The following TATDN3 variants were observed in gnomAD, a reference collection of about 807,000 sequenced individuals.
TATDN3 encodes TatD DNase domain containing 3.
In TATDN3, 29 loss-of-function variants were observed where a neutral mutation model predicts 40.1. The ratio of observed to expected loss-of-function variants is 0.72; its 90% CI spans 0.54 to 0.99. The LOEUF (loss-of-function observed/expected upper bound fraction) is 0.99. TATDN3 is among the 50% of genes least tolerant of loss of function. The pLI is 0.00. For synonymous variants in TATDN3, 105 were observed against 117.0 expected (o/e 0.90, Z 0.66); for missense variants, 309 against 321.9 (o/e 0.96, Z 0.31).
chr1:212,794,926 A>G (rs556325781), intron 1 of TATDN3, 169 bp from the exon 2 acceptor site: 2 of 652,108 alleles, frequency 3.1e-6, no homozygotes, highest in African/African-American at 3.6e-5. Flanking sequence ...GACTTTACTG[A>G]TAGTAAGAGT....
intron 4 of TATDN3, among the ~76,000 whole-genome samples, chr1:212,801,462 GA>G (rs1183004007): frequency 2.0e-5 from 3 of 152,034 alleles, no homozygotes; most frequent in Non-Finnish European, 4.4e-5. Context: ...ATTTTATTAG[GA>G]GTTTGAATAG....
intron 1 of TATDN3, among the ~76,000 whole-genome samples, chr1:212,793,268 A>AAT (rs1184984593): frequency 9.2e-5 from 14 of 152,278 alleles, no homozygotes; most frequent in Non-Finnish European, 2.1e-4. Context: ...GCTGAAATGC[A>AAT]ATAGCATGAT....
At chr1:212,797,911 G>A (rs914865409) in intron 4 of TATDN3, among the ~76,000 whole-genome samples, 3 of 152,160 alleles carry the variant, frequency 2.0e-5, no homozygotes, top group African/African-American at 7.2e-5. Flanking sequence ...TCCTGACTCA[G>A]CATCAGGAAG....
intron 1 of TATDN3, among the ~76,000 whole-genome samples, chr1:212,793,299 A>G (rs1415263423): frequency 6.6e-6 from 1 of 151,764 alleles, no homozygotes; most frequent in Non-Finnish European, 1.5e-5. Context: ...TGCAACCTCC[A>G]CCTCCTGGGC....
At chr1:212,814,435 C>G (rs1663077482) in intron 9 of TATDN3, among the ~76,000 whole-genome samples, 1 of 151,936 alleles carries the variant, frequency 6.6e-6, no homozygotes, top group Admixed American at 6.6e-5. Flanking sequence ...CCATTGTTTA[C>G]CATTGTTTTA....
chr1:212,814,380 A>T (rs1336158317), intron 9 of TATDN3, among the ~76,000 whole-genome samples: 2 of 152,218 alleles, frequency 1.3e-5, no homozygotes, highest in Non-Finnish European at 2.9e-5. Context: ...TAGTAACAAT[A>T]ATAATTTATT....
chr1:212,798,653 A>G (rs942539954), intron 4 of TATDN3, among the ~76,000 whole-genome samples: 3 of 152,170 alleles, frequency 2.0e-5, no homozygotes, highest in Non-Finnish European at 4.4e-5. Flanking sequence ...GCCAATCACA[A>G]TTCTACAAAT....
In TATDN3 at chr1:212,802,755, A is replaced by G. The variant is rs1159003229; in HGVS notation, c.313A>G (p.Ile105Val). 1.3e-5 allele frequency: 21 copies of G among 1,609,204 alleles called. No homozygotes were observed. The highest frequency in any genetic ancestry group is 4.0e-5 in the African/African-American group (3 of 74,816). ...GAATTATAAGGATCGGTTGTTGGCA[A>G]TTGGAGAGGTAAACACCCACTAACT... The part of the protein sequence containing the change: ...IENYKDRLLA[I>V]GEVGLDFSPR... The change falls in exon 5 of 10, where the codon ATT (isoleucine) becomes GTT (valine). Residue 105 changes from isoleucine to valine, a missense_variant. By Grantham distance (29) the Ile-to-Val change is conservative. Transcript: ENST00000366974.
At chr1:212,796,120 G>T (rs1016955358) in intron 2 of TATDN3, among the ~76,000 whole-genome samples, 5 of 152,148 alleles carry the variant, frequency 3.3e-5, no homozygotes, top group African/African-American at 1.2e-4. Context: ...CTAGCATTTT[G>T]TGGCCATCTC....
intron 8 of TATDN3, among the ~76,000 whole-genome samples, chr1:212,809,890 G>A (rs1322464038): frequency 6.6e-6 from 1 of 151,818 alleles, no homozygotes; most frequent in African/African-American, 2.4e-5. Flanking sequence ...TGGGTGTGGT[G>A]GCGCATGCCT....
At chr1:212,792,120 C>T (rs1278458295) in intron 1 of TATDN3, 133 bp downstream of exon 1, 1 of 865,084 alleles carries the variant, frequency 1.2e-6, no homozygotes, top group Non-Finnish European at 1.8e-6. Context: ...GCCATATGAC[C>T]TTGCCCCTCA....
In TATDN3 at chr1:212,816,052, C is replaced by T. The variant is rs1663167576; in HGVS notation, c.*896C>T. ...AACAATCATTATTGAATACCAAGCC[C>T]AAAAGTTTAGTTAATACACCAATTG... On this transcript the variant is annotated 3_prime_UTR_variant, in exon 10 of 10. Transcript: ENST00000366974. The T allele has an allele frequency of 6.6e-6, 1 of 152,064 alleles. No homozygotes were observed. The allele number at this position is 152,064 out of a possible 1,614,324, so 9.4% of individuals were successfully genotyped here. A position where few individuals can be genotyped will look rare whatever the true frequency, so the allele number is the denominator to read the frequency against.
intron 4 of TATDN3, 77 bp from the exon 5 acceptor site, chr1:212,802,624 C>T: frequency 1.0e-6 from 1 of 952,482 alleles, no homozygotes; most frequent in Non-Finnish European, 1.7e-6. Flanking sequence ...GATGGCATAG[C>T]ACCTAGCACA....
chr1:212,796,034 T>G (rs1028331964), intron 2 of TATDN3, among the ~76,000 whole-genome samples: 1 of 152,230 alleles, frequency 6.6e-6, no homozygotes, highest in Non-Finnish European at 1.5e-5. Flanking sequence ...TGGGATATAT[T>G]ATTAAAGTTT....
chr1:212,807,714 C>T, intron 7 of TATDN3, 22 bp from the exon 8 acceptor site: 2 of 1,555,424 alleles, frequency 1.3e-6, no homozygotes, highest in Non-Finnish European at 1.7e-6. Flanking sequence ...TGGAATACTG[C>T]CTTATCTTTC....
intron 8 of TATDN3, among the ~76,000 whole-genome samples, chr1:212,810,508 T>C (rs1662805402): frequency 1.4e-5 from 1 of 69,630 alleles, no homozygotes. Flanking sequence ...CGAGACTCTG[T>C]CTCAAAAAAA....
intron 1 of TATDN3, chr1:212,794,565 G>A (rs1661605249): frequency 4.7e-5 from 16 of 341,368 alleles, no homozygotes; most frequent in South Asian, 3.3e-4. Flanking sequence ...CACTACAGCT[G>A]GGAGACAAGA....
In TATDN3 at chr1:212,791,920, C is replaced by T. The variant is rs115784129; in HGVS notation, c.-2C>T. On this transcript the variant is annotated 5_prime_UTR_variant, in exon 1 of 10. Transcript: ENST00000366974. ...GTCTAAAGCGGCAGCCGCCGGGGCG[C>T]AATGCGAGCGGCTGGCGTAGGCTTG... 2 of 1,613,470 alleles carry T rather than the reference C, an allele frequency of 1.2e-6. No individual in the cohort carries two copies. The highest frequency in any genetic ancestry group is 2.2e-5 in the East Asian group (1 of 44,870).
chr1:212,810,331 T>G (rs531586161), intron 8 of TATDN3, among the ~76,000 whole-genome samples: 2 of 151,762 alleles, frequency 1.3e-5, no homozygotes, highest in Admixed American at 1.3e-4. Flanking sequence ...GCTCACATGG[T>G]GAAACCCCGT....
Sources: allele counts gnomAD v4.1 joint callset (sites outside exome capture counted in the v4.1 genomes callset), GRCh38; gene constraint gnomAD v4.1.1; transcripts MANE v1.5; gene names NCBI Gene and HGNC (gene_info 2026-07-23, HGNC 2026-07-21).